CHLSN: variants seen among roughly 807,000 people sequenced by gnomAD.
The protein encoded by CHLSN is cholesin, also known as protein cholesin.
chr7:1,119,384 A>C, the CHLSN span, among the ~76,000 whole-genome samples: 2 of 152,242 alleles, frequency 1.3e-5, no homozygotes, highest in Non-Finnish European at 2.9e-5. Flanking sequence ...ATGTGGTATC[A>C]AAAGCACCGG....
At chr7:1,033,749 C>T in the CHLSN span, among the ~76,000 whole-genome samples, 3 of 150,788 alleles carry the variant, frequency 2.0e-5, no homozygotes, top group East Asian at 2.0e-4. Flanking sequence ...AAATCGGTAA[C>T]GGGGGTGCCT....
the CHLSN span, chr7:1,127,279 C>G: frequency 6.2e-7 from 1 of 1,600,094 alleles, no homozygotes; most frequent in Non-Finnish European, 8.5e-7. Flanking sequence ...TCCTTCGCCA[C>G]TTGGTGCAGC....
the CHLSN span, chr7:1,127,479 A>G: frequency 8.6e-7 from 1 of 1,168,360 alleles, no homozygotes; most frequent in South Asian, 1.7e-5. Flanking sequence ...GCACTCTCCC[A>G]TTAAAAAAAA....
chr7:1,092,358 T>C, the CHLSN span: 1 of 1,611,422 alleles, frequency 6.2e-7, no homozygotes, highest in East Asian at 2.2e-5. Flanking sequence ...GTTTCGCGGA[T>C]GTCCGGGAGG....
At chr7:1,049,823 G>A in the CHLSN span, among the ~76,000 whole-genome samples, 1 of 152,228 alleles carries the variant, frequency 6.6e-6, no homozygotes, top group Non-Finnish European at 1.5e-5. Context: ...CCACTGTACT[G>A]GGTTCTATGA....
At chr7:1,061,710 T>C in the CHLSN span, among the ~76,000 whole-genome samples, 1 of 152,120 alleles carries the variant, frequency 6.6e-6, no homozygotes, top group Non-Finnish European at 1.5e-5. Flanking sequence ...AAAAAGGAGC[T>C]ACTTGTAAAA....
chr7:992,322 A>C, the CHLSN span, among the ~76,000 whole-genome samples: 1 of 152,172 alleles, frequency 6.6e-6, no homozygotes, highest in Non-Finnish European at 1.5e-5. Flanking sequence ...TCCTAAGTCA[A>C]GGCAAAACAA....
At chr7:1,060,025 A>AGGCAGGCCCGTAGTGGG in the CHLSN span, among the ~76,000 whole-genome samples, 1 of 16,902 alleles carries the variant, frequency 5.9e-5, no homozygotes, top group Non-Finnish European at 1.1e-4. Context: ...TCCGTAGTGA[A>AGGCAGGCCCGTAGTGGG]GCGGGTCCGT....
At chr7:1,113,674 G>T in the CHLSN span, among the ~76,000 whole-genome samples, 1 of 152,298 alleles carries the variant, frequency 6.6e-6, no homozygotes, top group East Asian at 1.9e-4. Context: ...CCCAGCCCGA[G>T]CATTTCCCAG....
At chr7:986,899 C>T in the CHLSN span, 3 of 1,360,406 alleles carry the variant, frequency 2.2e-6, no homozygotes, top group Non-Finnish European at 2.9e-6. Flanking sequence ...CTGCACCAAG[C>T]TCCCTACCTC....
At chr7:1,035,295 TTGTGAC>T in the CHLSN span, among the ~76,000 whole-genome samples, 3 of 152,234 alleles carry the variant, frequency 2.0e-5, no homozygotes, top group Non-Finnish European at 4.4e-5. Context: ...TGTCATGTCT[TTGTGAC>T]TGTGAACAGG....
At chr7:985,106 A>T in the CHLSN span, 2 of 1,611,192 alleles carry the variant, frequency 1.2e-6, no homozygotes, top group Admixed American at 3.3e-5. Context: ...AGAGGTGAGC[A>T]GGGGGCCGGG....
the CHLSN span, among the ~76,000 whole-genome samples, chr7:1,002,299 G>A: frequency 7.6e-6 from 1 of 131,354 alleles, no homozygotes; most frequent in Non-Finnish European, 1.6e-5. Flanking sequence ...TCCTGTGGGT[G>A]GGGAGTCCTG....
At chr7:1,063,207 G>C in the CHLSN span, among the ~76,000 whole-genome samples, 1 of 152,168 alleles carries the variant, frequency 6.6e-6, no homozygotes, top group East Asian at 1.9e-4. Flanking sequence ...GGCCACATCT[G>C]GGGCTTCCAC....
At chr7:1,026,084 C>T in the CHLSN span, 1 of 152,238 alleles carries the variant, frequency 6.6e-6, no homozygotes, top group African/African-American at 2.4e-5. Context: ...GTTGGCAGGG[C>T]CTCTGGGTGA....
chr7:1,135,958 A>T, the CHLSN span, among the ~76,000 whole-genome samples: 1 of 114,892 alleles, frequency 8.7e-6, no homozygotes, highest in Non-Finnish European at 1.6e-5. Flanking sequence ...AATATATATA[A>T]ATATATATAA....
At chr7:1,013,761 A>C in the CHLSN span, among the ~76,000 whole-genome samples, 4 of 152,220 alleles carry the variant, frequency 2.6e-5, no homozygotes, top group Non-Finnish European at 5.9e-5. Context: ...GCAAGCAGAA[A>C]GTCGTACAAA....
the CHLSN span, among the ~76,000 whole-genome samples, chr7:1,048,142 G>T: frequency 6.6e-6 from 1 of 152,182 alleles, no homozygotes; most frequent in East Asian, 1.9e-4. Flanking sequence ...TTTGCTGAGA[G>T]AACGAGGGGA....
the CHLSN span, chr7:1,057,392 G>A: frequency 9.6e-5 from 58 of 605,176 alleles, no homozygotes; most frequent in Non-Finnish European, 1.4e-4. Context: ...GGTCTGCAGC[G>A]ATTACTGCAC....
Sources: allele counts gnomAD v4.1 joint callset (sites outside exome capture counted in the v4.1 genomes callset), GRCh38; gene constraint gnomAD v4.1.1; transcripts MANE v1.5; gene names NCBI Gene and HGNC (gene_info 2026-07-23, HGNC 2026-07-21).